Variants in DDX4 observed in about 807,000 individuals in gnomAD.
The protein encoded by DDX4 is probable ATP-dependent RNA helicase DDX4.
Under a neutral mutation model 100.0 loss-of-function variants are expected in DDX4, and 25 were observed. The observed-to-expected ratio is 0.25, with a 90% CI of 0.18 to 0.35. The LOEUF is 0.35. Among genes scored for constraint, DDX4 ranks in the 10% least tolerant of loss-of-function variants. The pLI is 1.00. For synonymous variants in DDX4, 259 were observed against 275.7 expected, an observed-to-expected ratio of 0.94 and a Z score of 0.60; for missense variants, 635 against 882.4, an observed-to-expected ratio of 0.72 and a Z score of 3.55.
intron 18 of DDX4, among the ~76,000 whole-genome samples, chr5:55,811,771 T>G (rs1341024538): frequency 6.6e-6 from 1 of 152,238 alleles, no homozygotes; most frequent in East Asian, 1.9e-4. Context: ...TTCAGTTACC[T>G]GAAGATTTTG....
At chr5:55,738,797 G>A (rs577656921) in intron 1 of DDX4, among the ~76,000 whole-genome samples, 153 bp from the exon 2 acceptor site, 1 of 152,314 alleles carries the variant, frequency 6.6e-6, no homozygotes, top group South Asian at 2.1e-4. Flanking sequence ...TAGATAAGAA[G>A]AGACCTAATT....
Position 55,785,481 on chromosome 5 carries a change from T to C in DDX4, c.708T>C (p.Ser236=). The change falls in exon 12 of 22, where the codon AGT becomes AGC. Residue 236 remains serine, a synonymous_variant. Coordinates refer to ENST00000505374, the MANE Select transcript of DDX4 (RefSeq NM_024415.3). ...SWKSEAEGGE[S]SDTQGPKVTY... Reference sequence around the variant, plus strand: ...AGTCAGAAGCAGAAGGAGGAGAAAGTAGTGATACTCAAGGTATATTAACAT... The same window carrying C: ...AGTCAGAAGCAGAAGGAGGAGAAAGCAGTGATACTCAAGGTATATTAACAT... 1 of 1,605,084 alleles carries C rather than the reference T, an allele frequency of 6.2e-7. No homozygotes were observed. The highest frequency in any genetic ancestry group is 8.5e-7 in the Non-Finnish European group (1 of 1,173,594).
In DDX4 at chr5:55,766,516, A is replaced by C. The variant is rs557435604; in HGVS notation, c.335-1365A>C. On this transcript the variant is annotated intron_variant, in intron 6 of 21. Transcript: ENST00000505374. ...TTCCAGGGCCAACTTTTCAAAACTT[A>C]TTTCTTTCCTGCCCTTCTACATTGT... is the stretch of plus-strand genomic sequence containing the variant. Among the ~76,000 whole-genome samples, 34 of 145,086 alleles carry C rather than the reference A, an allele frequency of 2.3e-4. 1 individual carries two copies. Among genetic ancestry groups the C allele is most frequent in the Admixed American group, 1.7e-3 (25 of 14,430 alleles).
At chr5:55,796,370 G>A (rs1742935447) in intron 17 of DDX4, among the ~76,000 whole-genome samples, 1 of 152,176 alleles carries the variant, frequency 6.6e-6, no homozygotes. Context: ...TTTCACATCT[G>A]TTAGCTTCTC....
chr5:55,749,163 G>C (rs982118946), intron 3 of DDX4, among the ~76,000 whole-genome samples: 12 of 152,208 alleles, frequency 7.9e-5, no homozygotes, highest in African/African-American at 2.9e-4. Context: ...GCTTATGCCT[G>C]TAATCCCTTT....
intron 3 of DDX4, among the ~76,000 whole-genome samples, chr5:55,755,038 A>G (rs897352576): frequency 2.0e-5 from 3 of 152,142 alleles, no homozygotes; most frequent in South Asian, 4.1e-4. Context: ...CAATATGGTG[A>G]GAAATAGGGA....
chr5:55,785,999 A>G (rs1486600183), intron 13 of DDX4, 128 bp downstream of exon 13: 1 of 577,924 alleles, frequency 1.7e-6, no homozygotes, highest in Non-Finnish European at 3.0e-6. Flanking sequence ...TAGGTTGGAA[A>G]TTTAGAATGA....
intron 3 of DDX4, among the ~76,000 whole-genome samples, chr5:55,759,183 C>A (rs1760137910): frequency 6.6e-6 from 1 of 151,890 alleles, no homozygotes; most frequent in South Asian, 2.1e-4. Flanking sequence ...AATTTTCGTT[C>A]TTTATTTCCT....
chr5:55,767,956 T>C lies in DDX4; in HGVS notation c.394+16T>C. 6.2e-7 allele frequency: 1 copy of C among 1,611,652 alleles called. No homozygotes were observed. The highest frequency in any genetic ancestry group is 8.5e-7 in the Non-Finnish European group (1 of 1,177,786). ...AAGAGAGGCGGTAAGGACCACATTT[T>C]GGAACAATTTGTACTTAACACAGAG... On this transcript the variant is annotated intron_variant, in intron 7 of 21. Coordinates refer to ENST00000505374, the MANE Select transcript of DDX4 (RefSeq NM_024415.3).
chr5:55,792,647 C>G lies in DDX4; in HGVS notation c.1309C>G (p.Leu437Val). Residue 437 changes from leucine (L) to valine (V), a missense_variant, in exon 17 of 22, where the codon CTC (leucine) becomes GTC (valine). Transcript: ENST00000505374. ...TTTGAAAATATCCTTAAAGATTGGT[C>G]TCAAACAGATCAAATACTTAGTTTT... ...MDIIGKEKIG[L>V]KQIKYLVLDE... is the part of the protein sequence containing the mutation. 1 of 1,569,008 alleles carries G rather than the reference C, an allele frequency of 6.4e-7. No individual in the cohort carries two copies. The highest frequency in any genetic ancestry group is 8.7e-7 in the Non-Finnish European group (1 of 1,152,434).
At chr5:55,806,397 GT>G (rs1279102088) in intron 18 of DDX4, among the ~76,000 whole-genome samples, 1 of 152,076 alleles carries the variant, frequency 6.6e-6, no homozygotes, top group African/African-American at 2.4e-5. Flanking sequence ...TGCTTCTCTA[GT>G]TCTTTTAATT....
At chr5:55,782,496 G>A (rs1741978487) in intron 10 of DDX4, among the ~76,000 whole-genome samples, 1 of 151,882 alleles carries the variant, frequency 6.6e-6, no homozygotes, top group African/African-American at 2.4e-5. Flanking sequence ...TACTCAGGAG[G>A]CTAAGGCAGG....
chr5:55,796,819 C>CTTTTTTTTTTTTTTTTT (rs1742976174), intron 17 of DDX4, among the ~76,000 whole-genome samples: 1 of 63,454 alleles, frequency 1.6e-5, no homozygotes, highest in African/African-American at 4.9e-5. Context: ...TTTTTTCTTT[C>CTTTTTTTTTTTTTTTTT]TTTCTTTTTT....
At chr5:55,761,527 A>G (rs1311730926) in intron 4 of DDX4, among the ~76,000 whole-genome samples, 3 of 127,822 alleles carry the variant, frequency 2.3e-5, no homozygotes, top group African/African-American at 1.0e-4. Flanking sequence ...AATTAGCTTT[A>G]TATTACCTGG....
chr5:55,779,200 A>G (rs894256984), intron 7 of DDX4, among the ~76,000 whole-genome samples: 10 of 152,356 alleles, frequency 6.6e-5, no homozygotes, highest in African/African-American at 7.2e-5. Context: ...TTTTACTTTC[A>G]TGAAAATATA....
intron 3 of DDX4, among the ~76,000 whole-genome samples, chr5:55,759,882 C>CCAT (rs1217816079): frequency 6.6e-6 from 1 of 152,062 alleles, no homozygotes; most frequent in Non-Finnish European, 1.5e-5. Flanking sequence ...AGACTGTTTT[C>CCAT]CATTTTTTAA....
chr5:55,785,798 C>T lies in DDX4; in HGVS notation c.791C>T (p.Thr264Ile). The change falls in exon 13 of 22, where the codon ACA (threonine) becomes ATA (isoleucine). Residue 264 changes from threonine to isoleucine, a missense_variant. By Grantham distance (89) the Thr-to-Ile change is moderately conservative (BLOSUM62 -1). Around this residue, in one of 4 missense-constraint regions of DDX4, gnomAD observed 446 missense variants for 540.8 expected, o/e 0.82. Coordinates refer to ENST00000505374, the MANE Select transcript of DDX4 (RefSeq NM_024415.3). ...DEDSIFAHYQ[T>I]GINFDKYDTI... ...GACTCCATCTTTGCACATTATCAGA[C>T]AGGCATAAACTTCGACAAATACGAC... is the stretch of plus-strand genomic sequence containing the variant. The T allele has an allele frequency of 6.2e-7, 1 of 1,608,760 alleles. No individual in the cohort carries two copies. Among genetic ancestry groups the T allele is most frequent in the South Asian group, 1.1e-5 (1 of 90,954 alleles).
At chr5:55,778,185 C>T (rs924054823) in intron 7 of DDX4, among the ~76,000 whole-genome samples, 1 of 152,020 alleles carries the variant, frequency 6.6e-6, no homozygotes, top group Non-Finnish European at 1.5e-5. Context: ...GATTTAGAAA[C>T]TGAATTTCTC....
At chr5:55,756,090 C>T (rs969420692) in intron 3 of DDX4, among the ~76,000 whole-genome samples, 1 of 151,998 alleles carries the variant, frequency 6.6e-6, no homozygotes, top group Non-Finnish European at 1.5e-5. Flanking sequence ...TGTAAATATA[C>T]CGTAAATTAA....
Sources: gnomAD v4.1 joint callset for allele counts (sites outside exome capture counted in the v4.1 genomes callset) on GRCh38, gnomAD v4.1.1 for gene constraint, gnomAD v4.1.1 regional missense constraint, MANE v1.5 for transcripts, NCBI Gene and HGNC (gene_info 2026-07-23, HGNC 2026-07-21) for gene names.